UBE2K: variants seen among roughly 807,000 people sequenced by gnomAD.
UBE2K encodes ubiquitin conjugating enzyme E2 K, also known as ubiquitin-conjugating enzyme E2 K.
UBE2K carries 6 observed loss-of-function variants against 30.0 expected under a neutral mutation model. The ratio of observed to expected loss-of-function variants is 0.20; its 90% CI spans 0.11 to 0.39. The LOEUF (loss-of-function observed/expected upper bound fraction) is 0.39, where lower values mean the gene tolerates loss of function less well. Among genes scored for constraint, UBE2K ranks in the 10% least tolerant of loss-of-function variants. The pLI, the probability that UBE2K is intolerant of heterozygous loss-of-function variation, is 1.00. For synonymous variants in UBE2K, 86 were observed against 83.7 expected (o/e 1.03, Z -0.15); for missense variants, 61 against 241.6 (o/e 0.25, Z 4.96).
At chr4:39,762,936 C>CTTTT (rs869207095) in intron 4 of UBE2K, among the ~76,000 whole-genome samples, 1,758 of 78,738 alleles carry the variant, frequency 0.022, 182 homozygotes, top group East Asian at 0.077. Flanking sequence ...CCAAAAAACA[C>CTTTT]TTTTTTTTTT....
At chr4:39,778,143 A>G (rs1355444987) in intron 6 of UBE2K, among the ~76,000 whole-genome samples, 1 of 148,876 alleles carries the variant, frequency 6.7e-6, no homozygotes, top group Non-Finnish European at 1.5e-5. Flanking sequence ...GAGAAAATCT[A>G]GTTTTGGTAA....
intron 1 of UBE2K, among the ~76,000 whole-genome samples, chr4:39,712,119 A>G (rs1718725966): frequency 6.6e-6 from 1 of 150,550 alleles, no homozygotes; most frequent in African/African-American, 2.4e-5. Flanking sequence ...TAGTTACTTG[A>G]AACCGCCCCC....
At chr4:39,755,283 C>T (rs930865779) in intron 3 of UBE2K, among the ~76,000 whole-genome samples, 1 of 152,194 alleles carries the variant, frequency 6.6e-6, no homozygotes, top group Non-Finnish European at 1.5e-5. Context: ...CACCCTGCCT[C>T]ACATGAAGAA....
rs771033297 is a variant in UBE2K, at chr4:39,777,824, G to A, written c.528+14G>A. 7.2e-7 allele frequency: 1 copy of A among 1,398,500 alleles called. No individual in the cohort carries two copies. Among genetic ancestry groups the A allele is most frequent in the East Asian group, 2.7e-5 (1 of 36,734 alleles). The allele number at this position is 1,398,500 out of a possible 1,614,324, so 86.6% of individuals were successfully genotyped here. ...GGCTTTGATAGGGTAAGTACATAAG[G>A]GCATGTTGATTTTGATATATTGATT... On this transcript the variant is annotated intron_variant, in intron 6 of 6. Coordinates refer to ENST00000261427, the MANE Select transcript of UBE2K (RefSeq NM_005339.5).
chr4:39,726,576 TC>T (rs1404427674), intron 1 of UBE2K, among the ~76,000 whole-genome samples: 2 of 151,896 alleles, frequency 1.3e-5, no homozygotes, highest in African/African-American at 4.8e-5. Flanking sequence ...AGATTCCCAC[TC>T]CCTTCTAGAT....
chr4:39,725,377 CAAAAAAAAAAAA>C (rs56021137), intron 1 of UBE2K, among the ~76,000 whole-genome samples: 3 of 69,276 alleles, frequency 4.3e-5, no homozygotes, highest in Non-Finnish European at 7.7e-5. Context: ...GACCCTGTCT[CAAAAAAAAAAAA>C]AAAAAAAAAA....
At chr4:39,761,044 G>GT (rs1711909653) in intron 4 of UBE2K, 1 of 152,268 alleles carries the variant, frequency 6.6e-6, no homozygotes, top group Admixed American at 6.5e-5. Flanking sequence ...TACTCAGGAG[G>GT]CTGAGGCAAG....
intron 1 of UBE2K, among the ~76,000 whole-genome samples, chr4:39,723,703 A>G (rs1182951351): frequency 6.6e-6 from 1 of 152,182 alleles, no homozygotes; most frequent in East Asian, 1.9e-4. Context: ...ATTAGAGGGA[A>G]AACTCAGAAT....
chr4:39,723,360 C>CTTTT (rs1453384095), intron 1 of UBE2K, among the ~76,000 whole-genome samples: 1 of 116,956 alleles, frequency 8.6e-6, no homozygotes, highest in Non-Finnish European at 1.7e-5. Context: ...CTGCTGTCTT[C>CTTTT]TCTTTTTTTT....
At chr4:39,770,583 C>T in intron 4 of UBE2K, 3 of 1,582,240 alleles carry the variant, frequency 1.9e-6, no homozygotes, top group Non-Finnish European at 1.7e-6. Context: ...GGCCCCCACG[C>T]TGGCCCGGCC....
At chr4:39,723,051 A>ATT (rs544513013) in intron 1 of UBE2K, among the ~76,000 whole-genome samples, 1 of 133,968 alleles carries the variant, frequency 7.5e-6, no homozygotes, top group Non-Finnish European at 1.6e-5. Context: ...TTTTTCTTTA[A>ATT]TTTTTTTTTT....
At chr4:39,734,354 C>A (rs1184386142) in intron 1 of UBE2K, among the ~76,000 whole-genome samples, 1 of 152,102 alleles carries the variant, frequency 6.6e-6, no homozygotes, top group Non-Finnish European at 1.5e-5. Context: ...GGATTACAGG[C>A]ACGAGCCACC....
Position 39,698,270 on chromosome 4 carries a change from T to A in UBE2K, c.-58T>A. On this transcript the variant is annotated 5_prime_UTR_variant, in exon 1 of 7. Coordinates refer to ENST00000261427, the MANE Select transcript of UBE2K (RefSeq NM_005339.5). ...GCGGTGGAGGAAGAGGTGGCGGCGG[T>A]GGCGGTGGTCGTAGCGGTGGCGGAG... 1 of 1,546,322 alleles carries A rather than the reference T, an allele frequency of 6.5e-7. No individual in the cohort carries two copies. The highest frequency in any genetic ancestry group is 8.8e-7 in the Non-Finnish European group (1 of 1,131,014).
intron 1 of UBE2K, among the ~76,000 whole-genome samples, chr4:39,702,074 T>G (rs1340676041): frequency 6.6e-6 from 1 of 152,086 alleles, no homozygotes; most frequent in Non-Finnish European, 1.5e-5. Context: ...TTTACTTGAA[T>G]TTCAATATAC....
At position 39,773,262 on chromosome 4, in the gene UBE2K, G is replaced by A. The variant is rs182006263; in HGVS notation, c.300-1572G>A. 1.8e-4 allele frequency among the ~76,000 whole-genome samples: 27 copies of A among 151,408 alleles called. No homozygotes were observed. The East Asian group carries it at 3.8e-3, about 21-fold the overall frequency. On this transcript the variant is annotated intron_variant, in intron 4 of 6. Transcript: ENST00000261427. ...AGGCGGGCGGATCACAAGGTCAGGA[G>A]ATCAAGACCATCCTGTGTCTCACGG...
chr4:39,725,436 T>A (rs769777857), intron 1 of UBE2K, among the ~76,000 whole-genome samples: 1 of 150,528 alleles, frequency 6.6e-6, no homozygotes, highest in Non-Finnish European at 1.5e-5. Context: ...TTCAGTATTC[T>A]GTTGTAGTCT....
chr4:39,755,859 T>TG, intron 4 of UBE2K, 120 bp downstream of exon 4: 3 of 582,094 alleles, frequency 5.2e-6, no homozygotes, highest in Admixed American at 5.4e-5. Context: ...GCAGTAACTT[T>TG]AAAAGTCTCT....
At chr4:39,703,084 C>G (rs796130825) in intron 1 of UBE2K, among the ~76,000 whole-genome samples, 14 of 152,222 alleles carry the variant, frequency 9.2e-5, no homozygotes, top group African/African-American at 3.1e-4. Flanking sequence ...ACCTCCACCT[C>G]CTGGTTGCAA....
chr4:39,721,922 C>T (rs924240582), intron 1 of UBE2K, among the ~76,000 whole-genome samples: 1 of 151,892 alleles, frequency 6.6e-6, no homozygotes, highest in African/African-American at 2.4e-5. Flanking sequence ...AAGCCCGTCT[C>T]GACAAAAATA....
Sources: allele counts gnomAD v4.1 joint callset (sites outside exome capture counted in the v4.1 genomes callset), GRCh38; gene constraint gnomAD v4.1.1; transcripts MANE v1.5; gene names NCBI Gene and HGNC (gene_info 2026-07-23, HGNC 2026-07-21).